ACP3: variants seen among roughly 807,000 people sequenced by gnomAD.
The protein encoded by ACP3 is prostatic acid phosphatase.
In ACP3, 38 loss-of-function variants were observed where a neutral mutation model predicts 45.6. The observed-to-expected ratio is 0.83, with a 90% CI of 0.64 to 1.09. The LOEUF (loss-of-function observed/expected upper bound fraction) is 1.09. Ranked by LOEUF, ACP3 falls within the 50% of genes least tolerant of loss-of-function variation. ACP3 has a pLI of 0.00. For synonymous variants in ACP3, 162 were observed against 164.7 expected, an observed-to-expected ratio of 0.98 and a Z score of 0.13; for missense variants, 466 against 463.2, an observed-to-expected ratio of 1.01 and a Z score of -0.05.
chr3:132,348,371 T>C (rs1937641474), intron 7 of ACP3, among the ~76,000 whole-genome samples: 1 of 152,116 alleles, frequency 6.6e-6, no homozygotes, highest in Admixed American at 6.5e-5. Context: ...TTGCAAGTTG[T>C]ATAATCTAAT....
intron 5 of ACP3, among the ~76,000 whole-genome samples, chr3:132,342,284 GCAT>G (rs1937560684): frequency 6.6e-6 from 1 of 152,180 alleles, no homozygotes; most frequent in Non-Finnish European, 1.5e-5. Context: ...TATTACTGGT[GCAT>G]TTTTCTGTGA....
In ACP3 at chr3:132,332,155, C is replaced by G. The variant is rs115862588; in HGVS notation, c.304-37C>G. On this transcript the variant is annotated intron_variant, in intron 3 of 9. Transcript: ENST00000336375. ...TCTGTAGAAAAAAACCTCATGCTCCCTTTACGTTCGCTTCTGCTTTGATTT... is the reference window on the plus strand; with the variant it reads ...TCTGTAGAAAAAAACCTCATGCTCCGTTTACGTTCGCTTCTGCTTTGATTT... 2,277 of 1,613,638 alleles carry G rather than the reference C, an allele frequency of 1.4e-3. 25 individuals carry two copies. The African/African-American group carries it at 0.026, about 19-fold the overall frequency.
At chr3:132,361,133 T>A (rs1216661444), downstream of ACP3, among the ~76,000 whole-genome samples, 1 of 152,230 alleles carries the variant, frequency 6.6e-6, no homozygotes, top group African/African-American at 2.4e-5. Flanking sequence ...GCATAGTTGT[T>A]TTGGCATTCT....
At chr3:132,342,426 A>G in intron 5 of ACP3, 126 bp from the exon 6 acceptor site, 1 of 610,224 alleles carries the variant, frequency 1.6e-6, no homozygotes, top group Non-Finnish European at 2.9e-6. Flanking sequence ...AGGCCAGGAT[A>G]CTGTGAAACA....
chr3:132,360,040 T>A (rs1938010661), downstream of ACP3, among the ~76,000 whole-genome samples: 1 of 152,174 alleles, frequency 6.6e-6, no homozygotes, highest in Admixed American at 6.5e-5. Context: ...ATTTATTCAG[T>A]ATGATCTTAA....
At chr3:132,341,395 T>C (rs1937551441) in intron 5 of ACP3, among the ~76,000 whole-genome samples, 1 of 152,242 alleles carries the variant, frequency 6.6e-6, no homozygotes, top group Non-Finnish European at 1.5e-5. Flanking sequence ...ATCAAATTAT[T>C]TTTCTCCTTG....
At chr3:132,326,613 G>T (rs1390434186) in intron 1 of ACP3, among the ~76,000 whole-genome samples, 1 of 152,166 alleles carries the variant, frequency 6.6e-6, no homozygotes, top group East Asian at 1.9e-4. Flanking sequence ...AGTTTAAAGG[G>T]CCAAAAGATC....
chr3:132,336,347 C>A (rs948485970), intron 4 of ACP3, among the ~76,000 whole-genome samples: 2 of 151,952 alleles, frequency 1.3e-5, no homozygotes, highest in African/African-American at 4.8e-5. Context: ...CACTGATTTA[C>A]CAAATAGGAA....
chr3:132,333,584 G>A (rs1419492876), intron 4 of ACP3: 1 of 152,602 alleles, frequency 6.6e-6, no homozygotes, highest in African/African-American at 2.4e-5. Context: ...CCCAAATGCT[G>A]TGTAGAAAGT....
downstream of ACP3, among the ~76,000 whole-genome samples, chr3:132,360,959 T>C (rs1454532413): frequency 6.6e-6 from 1 of 152,208 alleles, no homozygotes; most frequent in East Asian, 1.9e-4. Context: ...GGCTTCCTTG[T>C]GGCTGAGCTC....
intron 1 of ACP3, among the ~76,000 whole-genome samples, chr3:132,325,595 A>AACACACACACACACGC (rs1937284249): frequency 7.0e-6 from 1 of 143,644 alleles, no homozygotes; most frequent in South Asian, 2.2e-4. Context: ...TCTGATACAA[A>AACACACACACACACGC]ACACACACAC....
At chr3:132,362,459 G>C (rs1365123153), downstream of ACP3, among the ~76,000 whole-genome samples, 1 of 152,164 alleles carries the variant, frequency 6.6e-6, no homozygotes, top group Non-Finnish European at 1.5e-5. Flanking sequence ...TATGTATCAA[G>C]CATTAAGCTT....
rs556143460 is a variant in ACP3 at position 132,333,239 on chromosome 3, C to T, written c.456+895C>T. Among the ~76,000 whole-genome samples, 6 of 152,240 alleles carry T rather than the reference C, an allele frequency of 3.9e-5. No homozygotes were observed. The East Asian group carries it at 9.7e-4, about 25-fold the overall frequency. ...GGGCTGTTTGAGAGAAACTCTCAAACGTGTTTACACAGGTTGGGACCGACC... is the reference window on the plus strand; with the variant it reads ...GGGCTGTTTGAGAGAAACTCTCAAATGTGTTTACACAGGTTGGGACCGACC... On this transcript the variant is annotated intron_variant, in intron 4 of 9. Transcript: ENST00000336375.
intron 7 of ACP3, among the ~76,000 whole-genome samples, chr3:132,345,509 T>C (rs1937599354): frequency 6.6e-6 from 1 of 152,220 alleles, no homozygotes; most frequent in Non-Finnish European, 1.5e-5. Context: ...AAAAGTGGCC[T>C]GTTTTCCTGA....
intron 2 of ACP3, 83 bp downstream of exon 2, chr3:132,328,445 G>A (rs369389032): frequency 3.2e-5 from 36 of 1,127,482 alleles, no homozygotes; most frequent in East Asian, 7.9e-5. Flanking sequence ...TTGGGAGGCC[G>A]AGGCAGGCGG....
chr3:132,359,433 G>A (rs529312794), downstream of ACP3, among the ~76,000 whole-genome samples: 239 of 152,178 alleles, frequency 1.6e-3, 1 homozygote, highest in Non-Finnish European at 2.8e-3. Flanking sequence ...GCGTGAACCC[G>A]GGAAGCGGAA....
In ACP3 at chr3:132,333,799, G is replaced by A. The variant is rs529901355; in HGVS notation, c.456+1455G>A. 5.9e-5 allele frequency among the ~76,000 whole-genome samples: 9 copies of A among 152,246 alleles called. No individual in the cohort carries two copies. The South Asian group carries it at 1.0e-3, about 18-fold the overall frequency. ...GAGATAAAGACTGGAGGTCAGGTGC[G>A]GTGGCTCATGCCTGTAATCCCAGCA... On this transcript the variant is annotated intron_variant, in intron 4 of 9. Coordinates refer to ENST00000336375, the MANE Select transcript of ACP3 (RefSeq NM_001099.5).
At chr3:132,367,738 G>C (rs1226856115) in exon 11 of ACP3, 14 of 1,613,632 alleles carry the variant, frequency 8.7e-6, no homozygotes, top group African/African-American at 1.3e-5. Flanking sequence ...CCTTTTGCCT[G>C]ATATCTGCTG....
At chr3:132,352,955 C>A in intron 9 of ACP3, 132 bp downstream of exon 9, 1 of 634,974 alleles carries the variant, frequency 1.6e-6, no homozygotes, top group Non-Finnish European at 2.8e-6. Flanking sequence ...ATGGTGGTAA[C>A]AAGATCTTTG....
Sources: allele counts gnomAD v4.1 joint callset (sites outside exome capture counted in the v4.1 genomes callset), GRCh38; gene constraint gnomAD v4.1.1; transcripts MANE v1.5; gene names NCBI Gene and HGNC (gene_info 2026-07-23, HGNC 2026-07-21).